The following ACTR3C variants were observed in gnomAD, a reference collection of about 807,000 sequenced individuals.
The protein encoded by ACTR3C is actin-related protein 3C.
Under a neutral mutation model 26.3 loss-of-function variants are expected in ACTR3C, and 18 were observed. The ratio of observed to expected loss-of-function variants is 0.68; its 90% CI spans 0.47 to 1.01. ACTR3C has a LOEUF of 1.01. ACTR3C is among the 50% of genes least tolerant of loss of function. The pLI is 0.00. For synonymous variants in ACTR3C, 55 were observed against 94.5 expected (o/e 0.58, Z 2.42); for missense variants, 184 against 250.7 (o/e 0.73, Z 1.80).
the ACTR3C span, among the ~76,000 whole-genome samples, chr7:149,938,987 ATATATTTTTT>A: frequency 6.8e-6 from 1 of 146,482 alleles, no homozygotes; most frequent in Admixed American, 6.8e-5. Context: ...TATGTATATA[ATATATTTTTT>A]GAGATAGAGT....
chr7:150,024,504 TTGC>T, the ACTR3C span, among the ~76,000 whole-genome samples: 5 of 147,176 alleles, frequency 3.4e-5, no homozygotes, highest in Non-Finnish European at 6.0e-5. Context: ...CTTCCGACAG[TTGC>T]TTTCCTTCAT....
At chr7:150,306,207 G>A (rs2129614771) in intron 1 of ACTR3C, among the ~76,000 whole-genome samples, 1 of 152,084 alleles carries the variant, frequency 6.6e-6, no homozygotes, top group African/African-American at 2.4e-5. Flanking sequence ...ATTCCATCCT[G>A]GCAAGTGGTT....
the ACTR3C span, among the ~76,000 whole-genome samples, chr7:150,158,959 A>G: frequency 7.0e-6 from 1 of 143,014 alleles, no homozygotes; most frequent in East Asian, 2.4e-4. Flanking sequence ...ACACAGGTAC[A>G]CACGTGCGCA....
At chr7:150,051,266 A>G in the ACTR3C span, among the ~76,000 whole-genome samples, 1 of 151,976 alleles carries the variant, frequency 6.6e-6, no homozygotes, top group South Asian at 2.1e-4. Context: ...TTAGTATGTT[A>G]GAATAAGTGA....
At chr7:150,286,601 G>C in intron 4 of ACTR3C, 61 bp from the exon 5 acceptor site, 1 of 1,584,040 alleles carries the variant, frequency 6.3e-7, no homozygotes, top group South Asian at 1.2e-5. Context: ...TCTGCCCTCA[G>C]ACAAATAACC....
the ACTR3C span, among the ~76,000 whole-genome samples, chr7:149,997,830 T>C: frequency 6.7e-6 from 1 of 150,132 alleles, no homozygotes; most frequent in South Asian, 2.1e-4. Flanking sequence ...ATTTAAAGGC[T>C]CTTTAGTTTC....
chr7:150,030,508 A>G, the ACTR3C span, among the ~76,000 whole-genome samples: 2 of 152,132 alleles, frequency 1.3e-5, no homozygotes, highest in African/African-American at 4.8e-5. Context: ...CTGACACTCA[A>G]AAGCATTTCT....
At chr7:149,991,340 C>G in the ACTR3C span, among the ~76,000 whole-genome samples, 1 of 152,340 alleles carries the variant, frequency 6.6e-6, no homozygotes, top group Middle Eastern at 3.4e-3. Flanking sequence ...AACCATATCA[C>G]CTGACTACTG....
the ACTR3C span, among the ~76,000 whole-genome samples, chr7:150,052,193 G>A: frequency 6.6e-6 from 1 of 150,724 alleles, no homozygotes; most frequent in African/African-American, 2.4e-5. Context: ...AATGCTAAAT[G>A]CATAAATAGA....
At chr7:149,895,876 C>T in the ACTR3C span, among the ~76,000 whole-genome samples, 8 of 151,762 alleles carry the variant, frequency 5.3e-5, no homozygotes, top group Admixed American at 5.3e-4. Flanking sequence ...TTTTAAAATC[C>T]TTGTGACTGA....
the ACTR3C span, among the ~76,000 whole-genome samples, chr7:150,118,868 C>T: frequency 1.6e-4 from 23 of 147,138 alleles, no homozygotes; most frequent in Admixed American, 1.5e-3. Context: ...GAAAGCCCAT[C>T]AGACTAACAG....
At chr7:150,073,027 T>C in the ACTR3C span, among the ~76,000 whole-genome samples, 1 of 152,214 alleles carries the variant, frequency 6.6e-6, no homozygotes, top group Admixed American at 6.5e-5. Flanking sequence ...TGGCATCGAC[T>C]ATTTAATGCC....
Position 150,274,504 on chromosome 7 carries a change from G to A in ACTR3C, c.564+10249C>T, listed in dbSNP as rs1016356906. On this transcript the variant is annotated intron_variant, in intron 6 of 7. Transcript: ENST00000683684. This position sits in a 1 kb window ranked among gnomAD's most constrained non-coding sequence, Gnocchi z 4.1. Reference sequence around the variant, plus strand: ...CTTCATTGCACCATTCACTTCACTGGGATGGTCCGAAACTGAACCCACAAA... The same window carrying A: ...CTTCATTGCACCATTCACTTCACTGAGATGGTCCGAAACTGAACCCACAAA... Among the ~76,000 whole-genome samples the A allele has an allele frequency of 6.6e-6, 1 of 152,110 alleles. No individual in the cohort carries two copies. Among genetic ancestry groups the A allele is most frequent in the Non-Finnish European group, 1.5e-5 (1 of 68,022 alleles).
chr7:150,180,502 G>A, the ACTR3C span, among the ~76,000 whole-genome samples: 2 of 145,174 alleles, frequency 1.4e-5, no homozygotes, highest in Non-Finnish European at 3.0e-5. Context: ...GGCCAAAATA[G>A]TAGTATATCT....
the ACTR3C span, among the ~76,000 whole-genome samples, chr7:150,049,890 A>G: frequency 6.6e-6 from 1 of 152,278 alleles, no homozygotes; most frequent in Non-Finnish European, 1.5e-5. Flanking sequence ...TACAAAACCA[A>G]GTAAAACCAG....
At chr7:150,313,648 C>T (rs920891642) in intron 1 of ACTR3C, among the ~76,000 whole-genome samples, 1 of 152,154 alleles carries the variant, frequency 6.6e-6, no homozygotes. Flanking sequence ...CAGTTTTTTT[C>T]ACGTTAACTT....
At chr7:149,971,325 T>A in the ACTR3C span, among the ~76,000 whole-genome samples, 2 of 152,174 alleles carry the variant, frequency 1.3e-5, no homozygotes, top group Non-Finnish European at 2.9e-5. Context: ...AACCAAAGCC[T>A]GTGCCCTACC....
chr7:150,255,427 T>C (rs1833149414), intron 6 of ACTR3C, among the ~76,000 whole-genome samples: 1 of 152,010 alleles, frequency 6.6e-6, no homozygotes, highest in Non-Finnish European at 1.5e-5. Flanking sequence ...AATCTAGACC[T>C]TAGGTGCCCT....
the ACTR3C span, among the ~76,000 whole-genome samples, chr7:149,955,211 T>C: frequency 6.6e-6 from 1 of 152,270 alleles, no homozygotes; most frequent in Non-Finnish European, 1.5e-5. Context: ...CTGCATGAGC[T>C]GCGTGGGGGC....
Sources: gnomAD v4.1 joint callset for allele counts (sites outside exome capture counted in the v4.1 genomes callset) on GRCh38, gnomAD v4.1.1 for gene constraint, Gnocchi (gnomAD v3.1) non-coding constraint, MANE v1.5 for transcripts, NCBI Gene and HGNC (gene_info 2026-07-23, HGNC 2026-07-21) for gene names.